POU3F3: variants seen among roughly 807,000 people sequenced by gnomAD.
The protein encoded by POU3F3 is POU class 3 homeobox 3.
A neutral mutation model predicts 8.6 loss-of-function variants in POU3F3; 1 was observed. The ratio of observed to expected loss-of-function variants is 0.12; its 90% CI spans 0.04 to 0.55. The LOEUF (loss-of-function observed/expected upper bound fraction) is 0.55. POU3F3 is among the 20% of genes least tolerant of loss of function. The probability of loss-of-function intolerance (pLI) is 0.91; values close to 1 mark genes in which losing one functional copy is unlikely to be tolerated. For synonymous variants in POU3F3, 418 were observed against 327.4 expected (o/e 1.28, Z -2.99); for missense variants, 577 against 690.7 (o/e 0.84, Z 1.84).
chr2:104,856,054 G>T lies in POU3F3; in HGVS notation c.544G>T (p.Gly182Cys). The T allele has an allele frequency of 2.0e-6, 2 of 998,954 alleles. No homozygotes were observed. Among genetic ancestry groups the T allele is most frequent in the Non-Finnish European group, 2.4e-6 (2 of 844,250 alleles). 61.9% of individuals were successfully genotyped at this position (998,954 alleles called of 1,614,324 possible). A position where few individuals can be genotyped will look rare whatever the true frequency, so the allele number is the denominator to read the frequency against. The change falls in exon 1 of 1, where the codon GGC becomes TGC. Residue 182 changes from glycine (G) to cysteine (C), a missense_variant. Gly to Cys is a radical substitution (Grantham distance 159). This residue lies in a region of POU3F3 where 484 missense variants were observed against 422.6 expected (regional missense o/e 1.15). Coordinates refer to ENST00000361360, the MANE Select transcript of POU3F3 (RefSeq NM_006236.3). ...ACCCCCGCCGCCGCCCCCACACCAG[G>T]GCCACCCTGGGGGCTGGGGGGCGGC... Reference protein sequence around the residue: ...LGPPPPPPHQGHPGGWGAAAA... With the variant: ...LGPPPPPPHQCHPGGWGAAAA...
chr2:104,920,615 A>G, the POU3F3 span, among the ~76,000 whole-genome samples: 5 of 152,120 alleles, frequency 3.3e-5, no homozygotes, highest in Non-Finnish European at 7.4e-5. Context: ...ATACCATAAA[A>G]AGGGGCCATT....
In POU3F3 at chr2:104,856,684, G is replaced by C; in HGVS notation, c.1174G>C (p.Gly392Arg). Residue 392 changes from glycine (G) to arginine (R), a missense_variant, in exon 1 of 1, where the codon GGC (glycine) becomes CGC (arginine). Coordinates refer to ENST00000361360, the MANE Select transcript of POU3F3 (RefSeq NM_006236.3). ...KWLEEADSSTGSPTSIDKIAA... is the reference protein window; with the variant it reads ...KWLEEADSSTRSPTSIDKIAA... ...GCTGGAGGAGGCGGACTCAAGCACC[G>C]GCAGCCCCACAAGCATCGACAAGAT... is the stretch of plus-strand genomic sequence containing the variant. 1 of 1,614,108 alleles carries C rather than the reference G, an allele frequency of 6.2e-7. No individual in the cohort carries two copies. The highest frequency in any genetic ancestry group is 8.5e-7 in the Non-Finnish European group (1 of 1,180,010).
At chr2:104,900,822 C>A in the POU3F3 span, among the ~76,000 whole-genome samples, 3 of 152,206 alleles carry the variant, frequency 2.0e-5, no homozygotes, top group Admixed American at 6.5e-5. Context: ...AAGTGGCACA[C>A]CCTCGGCTCA....
chr2:104,890,888 C>T, the POU3F3 span, among the ~76,000 whole-genome samples: 2 of 152,160 alleles, frequency 1.3e-5, no homozygotes, highest in East Asian at 1.9e-4. Flanking sequence ...CAGGCAGAGT[C>T]GGGATGACTA....
the POU3F3 span, among the ~76,000 whole-genome samples, chr2:104,917,131 T>C: frequency 6.6e-6 from 1 of 152,172 alleles, no homozygotes; most frequent in Non-Finnish European, 1.5e-5. Flanking sequence ...CTGGCTCCCC[T>C]GGTTGGGATG....
At chr2:104,861,045 G>A (rs1479204730), downstream of POU3F3, among the ~76,000 whole-genome samples, 1 of 151,796 alleles carries the variant, frequency 6.6e-6, no homozygotes. Flanking sequence ...TATTTGTAAA[G>A]TATTTATCCT....
At chr2:104,916,684 CA>C in the POU3F3 span, among the ~76,000 whole-genome samples, 1 of 152,130 alleles carries the variant, frequency 6.6e-6, no homozygotes, top group Non-Finnish European at 1.5e-5. Flanking sequence ...CATATTCTAG[CA>C]CAGCAAGTCA....
downstream of POU3F3, among the ~76,000 whole-genome samples, chr2:104,862,241 C>T (rs1358597015): frequency 1.3e-5 from 2 of 152,126 alleles, no homozygotes; most frequent in African/African-American, 2.4e-5. Context: ...CTTGATGAGT[C>T]CGGTCTTCCT....
the POU3F3 span, among the ~76,000 whole-genome samples, chr2:104,907,449 T>C: frequency 3.3e-5 from 5 of 152,172 alleles, no homozygotes; most frequent in Non-Finnish European, 7.3e-5. Flanking sequence ...TTTCCTTTAA[T>C]TACAAAGCAA....
chr2:104,896,905 G>T, the POU3F3 span, among the ~76,000 whole-genome samples: 65 of 152,368 alleles, frequency 4.3e-4, no homozygotes, highest in Non-Finnish European at 7.1e-4. Context: ...TGACATGAAT[G>T]CAACACAGAT....
rs938525285 is a variant in POU3F3 at position 104,855,981 on chromosome 2, C to T, written c.471C>T (p.Asp157=). Residue 157 remains aspartate, a synonymous_variant, in exon 1 of 1, where the codon GAC becomes GAT. Transcript: ENST00000361360. ...TGAAGGGCGGCGCCGGGCGCGACGA[C>T]CTGCACGCGGGCACAGCGCTGCACC... ...PDVKGGAGRD[D]LHAGTALHHR... is the part of the protein sequence containing the mutation. The T allele has an allele frequency of 1.3e-5, 13 of 1,035,994 alleles. No homozygotes were observed. The highest frequency in any genetic ancestry group is 1.1e-4 in the African/African-American group (6 of 56,968). The allele number at this position is 1,035,994 out of a possible 1,614,324, so 64.2% of individuals were successfully genotyped here.
At chr2:104,879,493 A>G in the POU3F3 span, among the ~76,000 whole-genome samples, 2 of 150,644 alleles carry the variant, frequency 1.3e-5, no homozygotes, top group African/African-American at 2.4e-5. Context: ...AATTTCTTTG[A>G]AAAAAAAAAT....
At chr2:104,924,101 T>C in the POU3F3 span, among the ~76,000 whole-genome samples, 48 of 152,312 alleles carry the variant, frequency 3.2e-4, no homozygotes, top group Non-Finnish European at 6.3e-4. Context: ...ATGTACTTAA[T>C]ACCACTGAAC....
the POU3F3 span, among the ~76,000 whole-genome samples, chr2:104,876,095 C>G: frequency 6.6e-6 from 1 of 152,138 alleles, no homozygotes; most frequent in Non-Finnish European, 1.5e-5. Flanking sequence ...AGAACGAACA[C>G]TATTGGATGA....
the POU3F3 span, among the ~76,000 whole-genome samples, chr2:104,892,994 T>C: frequency 1.2e-4 from 19 of 152,148 alleles, no homozygotes; most frequent in African/African-American, 4.3e-4. Flanking sequence ...TTCATGTTAT[T>C]TCACTAGATT....
chr2:104,873,503 T>A, the POU3F3 span, among the ~76,000 whole-genome samples: 1 of 152,158 alleles, frequency 6.6e-6, no homozygotes, highest in African/African-American at 2.4e-5. Flanking sequence ...GCAACTCCTG[T>A]GCCCTGTGGC....
At chr2:104,911,414 C>CAA in the POU3F3 span, among the ~76,000 whole-genome samples, 441 of 60,838 alleles carry the variant, frequency 7.2e-3, 7 homozygotes, top group South Asian at 0.023. Context: ...GACTCCGTCT[C>CAA]AAAAAAAAAA....
chr2:104,861,032 A>C (rs1324914919), downstream of POU3F3, among the ~76,000 whole-genome samples: 3 of 152,082 alleles, frequency 2.0e-5, no homozygotes, highest in East Asian at 1.9e-4. Context: ...TTTTTAAATT[A>C]TATATTTGTA....
At chr2:104,865,534 G>C in the POU3F3 span, 1 of 152,172 alleles carries the variant, frequency 6.6e-6, no homozygotes. Flanking sequence ...TGAGCTTCCT[G>C]GGAGACCACA....
Sources: allele counts gnomAD v4.1 joint callset (sites outside exome capture counted in the v4.1 genomes callset), GRCh38; gene constraint gnomAD v4.1.1; regional missense constraint gnomAD v4.1.1; transcripts MANE v1.5; gene names NCBI Gene and HGNC (gene_info 2026-07-23, HGNC 2026-07-21).